Variants in ADAMTS17 observed in about 807,000 individuals in gnomAD.
ADAMTS17 encodes the protein A disintegrin and metalloproteinase with thrombospondin motifs 17.
ADAMTS17 carries 113 observed loss-of-function variants against 141.5 expected under a neutral mutation model. The observed-to-expected ratio is 0.80, with a 90% CI of 0.69 to 0.93. The LOEUF (loss-of-function observed/expected upper bound fraction) is 0.93. ADAMTS17 is among the 40% of genes least tolerant of loss of function. ADAMTS17 has a pLI of 0.00. For missense variants in ADAMTS17, 1,659 were observed against 1,517.9 expected (o/e 1.09, Z -1.54); for synonymous variants, 768 against 630.6 (o/e 1.22, Z -3.27).
chr15:100,243,074 T>G (rs112684217), intron 7 of ADAMTS17, among the ~76,000 whole-genome samples: 41 of 152,340 alleles, frequency 2.7e-4, no homozygotes, highest in Middle Eastern at 3.4e-3. Context: ...GTGGCTTCAT[T>G]CACTATTCAT....
At chr15:100,194,906 G>A (rs75542472) in intron 8 of ADAMTS17, among the ~76,000 whole-genome samples, 3,088 of 152,270 alleles carry the variant, frequency 0.02, 117 homozygotes, top group African/African-American at 0.069. Context: ...TGCAGGGGCT[G>A]CTGCTTTCTA....
chr15:100,276,569 C>G (rs928663980), intron 4 of ADAMTS17, among the ~76,000 whole-genome samples: 4 of 151,724 alleles, frequency 2.6e-5, no homozygotes, highest in Admixed American at 2.6e-4. Flanking sequence ...TGCTATTTCC[C>G]ACAACTCGGA....
intron 4 of ADAMTS17, among the ~76,000 whole-genome samples, chr15:100,266,153 G>A (rs2043708808): frequency 6.6e-6 from 1 of 152,190 alleles, no homozygotes. Flanking sequence ...CCAAAGCTCT[G>A]TTAAACTGCC....
chr15:100,299,252 G>A (rs1431088222), intron 3 of ADAMTS17, among the ~76,000 whole-genome samples: 1 of 151,944 alleles, frequency 6.6e-6, no homozygotes, highest in Non-Finnish European at 1.5e-5. Flanking sequence ...CTCAAGAAGT[G>A]TGGATGAGGC....
chr15:100,297,287 T>C (rs2044856975), intron 3 of ADAMTS17, among the ~76,000 whole-genome samples: 1 of 151,986 alleles, frequency 6.6e-6, no homozygotes, highest in Non-Finnish European at 1.5e-5. Flanking sequence ...ACAGGCAGGG[T>C]CATGTGGGAT....
At chr15:100,336,503 A>T (rs77582710) in intron 2 of ADAMTS17, among the ~76,000 whole-genome samples, 3,557 of 152,284 alleles carry the variant, frequency 0.023, 70 homozygotes, top group Non-Finnish European at 0.034. Flanking sequence ...TTCTTTTTAC[A>T]AAGTTCTATA....
At chr15:100,106,763 G>A (rs1451309770) in intron 14 of ADAMTS17, among the ~76,000 whole-genome samples, 5 of 152,236 alleles carry the variant, frequency 3.3e-5, no homozygotes, top group Admixed American at 2.6e-4. Flanking sequence ...GTGGAAGTGT[G>A]TAATTTGGGT....
At chr15:100,035,512 G>GT (rs918087374) in intron 18 of ADAMTS17, among the ~76,000 whole-genome samples, 134 of 152,268 alleles carry the variant, frequency 8.8e-4, no homozygotes, top group African/African-American at 3.1e-3. Context: ...TTATGTTTCT[G>GT]TTTTGGGGTT....
At chr15:100,028,961 A>C (rs1352307673) in intron 18 of ADAMTS17, among the ~76,000 whole-genome samples, 3 of 152,244 alleles carry the variant, frequency 2.0e-5, no homozygotes, top group Admixed American at 2.0e-4. Context: ...ACAAAAAGTT[A>C]TCTTTGTCAA....
At chr15:100,075,936 G>A (rs546728941) in intron 15 of ADAMTS17, among the ~76,000 whole-genome samples, 44 of 152,094 alleles carry the variant, frequency 2.9e-4, no homozygotes, top group Non-Finnish European at 5.1e-4. Context: ...CCTCTCCTAC[G>A]TATGTCCTCA....
chr15:100,267,818 T>C (rs889377264), intron 4 of ADAMTS17, among the ~76,000 whole-genome samples: 1 of 152,244 alleles, frequency 6.6e-6, no homozygotes, highest in African/African-American at 2.4e-5. Context: ...AATGCATAAT[T>C]ATCACATCAG....
At chr15:100,304,550 G>C (rs2045156230) in intron 3 of ADAMTS17, among the ~76,000 whole-genome samples, 1 of 152,062 alleles carries the variant, frequency 6.6e-6, no homozygotes, top group African/African-American at 2.4e-5. Flanking sequence ...TGGGGGAAGG[G>C]TTCCATCTGC....
At chr15:100,250,244 A>T (rs957959872) in intron 7 of ADAMTS17, among the ~76,000 whole-genome samples, 2 of 152,194 alleles carry the variant, frequency 1.3e-5, no homozygotes, top group African/African-American at 2.4e-5. Context: ...ACAACAACAA[A>T]AAAACGCTGT....
At chr15:100,223,074 A>G (rs551716818) in intron 7 of ADAMTS17, among the ~76,000 whole-genome samples, 1 of 152,182 alleles carries the variant, frequency 6.6e-6, no homozygotes, top group African/African-American at 2.4e-5. Context: ...GTGCAGGAAC[A>G]TTTCAGTTTT....
At chr15:99,990,626 CT>C (rs10593374) in intron 20 of ADAMTS17, among the ~76,000 whole-genome samples, 6,239 of 137,976 alleles carry the variant, frequency 0.045, 325 homozygotes, top group African/African-American at 0.13. Context: ...GGAAATTTGG[CT>C]TTTTTTTTTT....
chr15:100,100,431 A>T (rs1266340879), intron 14 of ADAMTS17, among the ~76,000 whole-genome samples: 2 of 152,096 alleles, frequency 1.3e-5, no homozygotes, highest in African/African-American at 4.8e-5. Flanking sequence ...CTCACTACTA[A>T]GAGTCTGCTG....
At chr15:100,226,664 T>C (rs1567389522) in intron 7 of ADAMTS17, among the ~76,000 whole-genome samples, 1 of 152,074 alleles carries the variant, frequency 6.6e-6, no homozygotes, top group Non-Finnish European at 1.5e-5. Context: ...TCAGCAAACA[T>C]GGGTGGAGAT....
intron 1 of ADAMTS17, 65 bp downstream of exon 1, chr15:100,341,756 C>T: frequency 7.9e-6 from 12 of 1,510,068 alleles, no homozygotes; most frequent in South Asian, 2.5e-5. Context: ...CAGGACGCCG[C>T]GAGAACGCAG....
chr15:100,024,691 G>A (rs1407018753), intron 18 of ADAMTS17, among the ~76,000 whole-genome samples: 1 of 152,170 alleles, frequency 6.6e-6, no homozygotes, highest in Non-Finnish European at 1.5e-5. Context: ...AAGGGGCAAG[G>A]TTTCCAAAAG....
Sources: allele counts gnomAD v4.1 joint callset (sites outside exome capture counted in the v4.1 genomes callset), GRCh38; gene constraint gnomAD v4.1.1; transcripts MANE v1.5; gene names NCBI Gene and HGNC (gene_info 2026-07-23, HGNC 2026-07-21).